ASRGL1: variants seen among roughly 807,000 people sequenced by gnomAD.
ASRGL1 encodes the protein isoaspartyl peptidase/L-asparaginase.
A neutral mutation model predicts 22.4 loss-of-function variants in ASRGL1; 16 were observed. The ratio of observed to expected loss-of-function variants is 0.71; its 90% CI spans 0.48 to 1.08. The LOEUF is 1.08. ASRGL1 is among the 50% of genes least tolerant of loss of function. The pLI is 0.00. For missense variants in ASRGL1, 412 were observed against 410.1 expected (o/e 1.00, Z -0.04); for synonymous variants, 165 against 159.3 (o/e 1.04, Z -0.27).
At chr11:62,339,516 A>T (rs1945813704) in intron 2 of ASRGL1, among the ~76,000 whole-genome samples, 1 of 152,172 alleles carries the variant, frequency 6.6e-6, no homozygotes, top group South Asian at 2.1e-4. Flanking sequence ...AGCTAATATG[A>T]GTATCTACCA....
chr11:62,372,516 G>A, intron 4 of ASRGL1: 1 of 1,079,300 alleles, frequency 9.3e-7, no homozygotes, highest in African/African-American at 1.5e-5. Flanking sequence ...AGCAGATAGA[G>A]TATGACTGCA....
At chr11:62,339,543 C>G (rs1945814178) in intron 2 of ASRGL1, among the ~76,000 whole-genome samples, 1 of 152,104 alleles carries the variant, frequency 6.6e-6, no homozygotes, top group Non-Finnish European at 1.5e-5. Context: ...AGGCAGTGGT[C>G]TAAGAAATTT....
At chr11:62,352,352 G>A (rs1195373236) in intron 2 of ASRGL1, among the ~76,000 whole-genome samples, 2 of 152,150 alleles carry the variant, frequency 1.3e-5, no homozygotes, top group Admixed American at 6.5e-5. Flanking sequence ...TTGGGAGGCC[G>A]AGGTGGGTGG....
chr11:62,373,567 C>T (rs1380156539), intron 4 of ASRGL1, among the ~76,000 whole-genome samples: 1 of 152,194 alleles, frequency 6.6e-6, no homozygotes, highest in East Asian at 1.9e-4. Context: ...AGAGGAATCG[C>T]CATTTACTCA....
At chr11:62,380,406 C>T (rs2134679980) in intron 4 of ASRGL1, among the ~76,000 whole-genome samples, 1 of 152,188 alleles carries the variant, frequency 6.6e-6, no homozygotes, top group East Asian at 1.9e-4. Flanking sequence ...GCAGGTGGTT[C>T]CTGGGTCTTG....
chr11:62,395,087 G>A (rs1055956825), downstream of ASRGL1, among the ~76,000 whole-genome samples: 28 of 152,148 alleles, frequency 1.8e-4, no homozygotes, highest in Non-Finnish European at 4.0e-4. Context: ...AGAAAATTTG[G>A]AACCAAAAGA....
intron 4 of ASRGL1, chr11:62,372,646 C>T (rs1946804687): frequency 1.0e-6 from 1 of 958,590 alleles, no homozygotes. Context: ...GTCCTGGACT[C>T]CCAGAAGTGA....
At chr11:62,337,823 C>A in intron 1 of ASRGL1, 67 bp from the exon 2 acceptor site, 1 of 759,334 alleles carries the variant, frequency 1.3e-6, no homozygotes, top group Non-Finnish European at 2.0e-6. Flanking sequence ...CTCGACCGAG[C>A]CGCCCCTACC....
intron 4 of ASRGL1, among the ~76,000 whole-genome samples, chr11:62,385,190 C>T (rs1206487053): frequency 6.6e-6 from 1 of 150,898 alleles, no homozygotes; most frequent in Non-Finnish European, 1.5e-5. Flanking sequence ...TTTGCTCTTC[C>T]CTTTCCCTGA....
chr11:62,359,575 G>A (rs879389091), intron 4 of ASRGL1, among the ~76,000 whole-genome samples: 1 of 151,954 alleles, frequency 6.6e-6, no homozygotes, highest in East Asian at 1.9e-4. Flanking sequence ...TCAAAATCTG[G>A]TGTGTTTTAC....
At chr11:62,358,030 C>T (rs1946344234) in intron 4 of ASRGL1, among the ~76,000 whole-genome samples, 2 of 152,100 alleles carry the variant, frequency 1.3e-5, no homozygotes, top group African/African-American at 4.8e-5. Context: ...AAAAAGGGTT[C>T]CCAGGTAATT....
chr11:62,358,725 A>C (rs1436611559), intron 4 of ASRGL1, among the ~76,000 whole-genome samples: 1 of 152,158 alleles, frequency 6.6e-6, no homozygotes, highest in Non-Finnish European at 1.5e-5. Flanking sequence ...TGCTCTTGTG[A>C]CTAACACCAC....
chr11:62,359,752 G>A (rs1333427762), intron 4 of ASRGL1, among the ~76,000 whole-genome samples: 8 of 151,950 alleles, frequency 5.3e-5, no homozygotes, highest in Non-Finnish European at 8.8e-5. Context: ...CTAACTCTCC[G>A]TGTTAGCAAC....
intron 2 of ASRGL1, among the ~76,000 whole-genome samples, chr11:62,345,631 T>C (rs142393817): frequency 7.5e-4 from 114 of 152,310 alleles, no homozygotes; most frequent in East Asian, 7.3e-3. Flanking sequence ...CTGTCCAATG[T>C]GGCTACAAAT....
At chr11:62,396,806 G>A (rs1863459835), downstream of ASRGL1, among the ~76,000 whole-genome samples, 1 of 151,782 alleles carries the variant, frequency 6.6e-6, no homozygotes, top group Admixed American at 6.6e-5. Context: ...CATCTCAAGA[G>A]TTAACTTTTT....
chr11:62,362,715 TATATG>T (rs1169990034), intron 4 of ASRGL1, among the ~76,000 whole-genome samples: 1 of 49,616 alleles, frequency 2.0e-5, no homozygotes, highest in Non-Finnish European at 3.4e-5. Flanking sequence ...TAAAATATAT[TATATG>T]TTATATATAA....
At chr11:62,351,650 C>CAA (rs34522226) in intron 2 of ASRGL1, among the ~76,000 whole-genome samples, 71 of 127,122 alleles carry the variant, frequency 5.6e-4, no homozygotes, top group Admixed American at 1.3e-3. Context: ...AACTCATCTC[C>CAA]AAAAAAAAAA....
intron 4 of ASRGL1, among the ~76,000 whole-genome samples, chr11:62,373,459 G>T (rs962089535): frequency 6.6e-6 from 1 of 151,826 alleles, no homozygotes; most frequent in African/African-American, 2.4e-5. Flanking sequence ...GAGCAATCTA[G>T]GTGTTTTTTT....
At chr11:62,348,430 G>A (rs1397335701) in intron 2 of ASRGL1, among the ~76,000 whole-genome samples, 8 of 152,276 alleles carry the variant, frequency 5.3e-5, no homozygotes, top group African/African-American at 1.9e-4. Context: ...ATGGCCGGGC[G>A]TGGTGACTCA....
Sources: gnomAD v4.1 joint callset for allele counts (sites outside exome capture counted in the v4.1 genomes callset) on GRCh38, gnomAD v4.1.1 for gene constraint, MANE v1.5 for transcripts, NCBI Gene and HGNC (gene_info 2026-07-23, HGNC 2026-07-21) for gene names.